Variants in NRXN3 observed in about 807,000 individuals in gnomAD.
NRXN3 encodes neurexin III.
NRXN3 carries 32 observed loss-of-function variants against 137.6 expected under a neutral mutation model. That is an observed-to-expected ratio of 0.23 (90% CI 0.18 to 0.31). The LOEUF (loss-of-function observed/expected upper bound fraction) is 0.31, where lower values mean the gene tolerates loss of function less well. Ranked by LOEUF, NRXN3 falls within the 10% of genes least tolerant of loss-of-function variation. The pLI is 1.00. For synonymous variants in NRXN3, 798 were observed against 784.5 expected, an observed-to-expected ratio of 1.02 and a Z score of -0.29; for missense variants, 1,574 against 2,062.5, an observed-to-expected ratio of 0.76 and a Z score of 4.59.
intron 19 of NRXN3, among the ~76,000 whole-genome samples, chr14:79,775,875 A>ATT: frequency 6.6e-6 from 1 of 152,202 alleles, no homozygotes; most frequent in Non-Finnish European, 1.5e-5. Flanking sequence ...TGTACTTGAT[A>ATT]GTTGGTAAGG....
chr14:78,667,157 A>G (rs1183365156), intron 6 of NRXN3, among the ~76,000 whole-genome samples: 2 of 152,068 alleles, frequency 1.3e-5, no homozygotes, highest in African/African-American at 4.8e-5. Context: ...TTAATATAAT[A>G]TAGGGTGTTT....
At chr14:78,361,480 G>A (rs2085108427) in intron 4 of NRXN3, among the ~76,000 whole-genome samples, 1 of 152,202 alleles carries the variant, frequency 6.6e-6, no homozygotes, top group Non-Finnish European at 1.5e-5. Flanking sequence ...AGATGCGGAT[G>A]AAATGGATGA....
At chr14:78,511,668 G>T (rs2096110970) in intron 4 of NRXN3, among the ~76,000 whole-genome samples, 1 of 152,206 alleles carries the variant, frequency 6.6e-6, no homozygotes, top group South Asian at 2.1e-4. Context: ...CTCAGTTGGA[G>T]TTGTGGTTAG....
intron 4 of NRXN3, among the ~76,000 whole-genome samples, chr14:78,400,063 T>C (rs932164446): frequency 3.9e-5 from 6 of 152,252 alleles, no homozygotes; most frequent in Non-Finnish European, 7.3e-5. Context: ...TCTTTTTCTT[T>C]CAGTATTTGC....
intron 10 of NRXN3, among the ~76,000 whole-genome samples, chr14:78,845,202 T>C (rs1229778947): frequency 6.6e-6 from 1 of 152,082 alleles, no homozygotes; most frequent in African/African-American, 2.4e-5. Flanking sequence ...AACTGTACTT[T>C]CTATATCTGC....
At chr14:79,449,122 C>T (rs1600465291) in intron 15 of NRXN3, among the ~76,000 whole-genome samples, 1 of 152,266 alleles carries the variant, frequency 6.6e-6, no homozygotes, top group East Asian at 1.9e-4. Context: ...AAGTATCTGT[C>T]GCAGGGAATT....
chr14:78,735,379 G>T (rs1016131167), intron 8 of NRXN3, among the ~76,000 whole-genome samples: 1 of 152,178 alleles, frequency 6.6e-6, no homozygotes, highest in African/African-American at 2.4e-5. Context: ...TGGGGTGGGA[G>T]GAAGCTGGAC....
intron 16 of NRXN3, among the ~76,000 whole-genome samples, chr14:79,568,092 G>C (rs1177336376): frequency 6.6e-6 from 1 of 152,138 alleles, no homozygotes; most frequent in Non-Finnish European, 1.5e-5. Flanking sequence ...AAAGTGATGA[G>C]TCAAAAATTC....
At chr14:79,197,290 G>C (rs1457056606) in intron 15 of NRXN3, among the ~76,000 whole-genome samples, 1 of 152,124 alleles carries the variant, frequency 6.6e-6, no homozygotes, top group Non-Finnish European at 1.5e-5. Flanking sequence ...TCATAGCCCT[G>C]CTGTAACCAG....
chr14:79,770,136 G>C (rs1368570420), intron 19 of NRXN3, among the ~76,000 whole-genome samples: 1 of 151,638 alleles, frequency 6.6e-6, no homozygotes, highest in East Asian at 1.9e-4. Flanking sequence ...AGTCCTGAGT[G>C]ACCTACAAAG....
At chr14:79,139,347 T>G (rs1159581260) in intron 15 of NRXN3, among the ~76,000 whole-genome samples, 2 of 152,194 alleles carry the variant, frequency 1.3e-5, no homozygotes, top group Non-Finnish European at 2.9e-5. Flanking sequence ...CAGAGACCTG[T>G]GTATCTAGGC....
intron 16 of NRXN3, among the ~76,000 whole-genome samples, chr14:79,485,544 C>T (rs2096647872): frequency 6.6e-6 from 1 of 152,188 alleles, no homozygotes; most frequent in Non-Finnish European, 1.5e-5. Context: ...GCTCTTACCA[C>T]TTCTCCTCAC....
At chr14:79,393,708 G>T (rs1229736820) in intron 15 of NRXN3, among the ~76,000 whole-genome samples, 1 of 152,108 alleles carries the variant, frequency 6.6e-6, no homozygotes, top group Non-Finnish European at 1.5e-5. Flanking sequence ...CCAGCTACTC[G>T]GGAGGCTGAG....
chr14:78,377,058 T>C (rs1396553828), intron 4 of NRXN3, among the ~76,000 whole-genome samples: 1 of 152,132 alleles, frequency 6.6e-6, no homozygotes, highest in Non-Finnish European at 1.5e-5. Context: ...AATAGTAGAC[T>C]TAAGCCCCAA....
At chr14:78,649,477 G>A (rs1192517949) in intron 5 of NRXN3, among the ~76,000 whole-genome samples, 1 of 146,458 alleles carries the variant, frequency 6.8e-6, no homozygotes, top group African/African-American at 2.5e-5. Flanking sequence ...GGAAGGGGAT[G>A]CACTTGTCCT....
chr14:78,936,464 T>C (rs1195138270), intron 10 of NRXN3, among the ~76,000 whole-genome samples: 1 of 152,174 alleles, frequency 6.6e-6, no homozygotes, highest in African/African-American at 2.4e-5. Context: ...TACATTTATA[T>C]AAATCTAAAA....
rs1476178567 is a variant in NRXN3, at chr14:79,645,796, T to A, written c.3445-17982T>A. Among the ~76,000 whole-genome samples, 2 of 135,062 alleles carry A rather than the reference T, an allele frequency of 1.5e-5. 1 individual carries two copies. Among genetic ancestry groups the A allele is most frequent in the Non-Finnish European group, 3.4e-5 (2 of 58,114 alleles). 88.6% of individuals were successfully genotyped at this position (135,062 alleles called of 152,430 possible). A position where few individuals can be genotyped will look rare whatever the true frequency, so the allele number is the denominator to read the frequency against. On this transcript the variant is annotated intron_variant, in intron 16 of 20. Transcript: ENST00000335750. ...GGGAAAAAATGTTGGCACCTGATAA[T>A]GGTGGACCTGGGATACCAGGCTGAA...
At chr14:78,815,245 C>T (rs1287801220) in intron 10 of NRXN3, among the ~76,000 whole-genome samples, 2 of 152,080 alleles carry the variant, frequency 1.3e-5, no homozygotes, top group African/African-American at 2.4e-5. Flanking sequence ...AATATATTGA[C>T]CTTAAGACAC....
At chr14:79,858,114 T>C (rs2099406592) in intron 20 of NRXN3, among the ~76,000 whole-genome samples, 1 of 152,000 alleles carries the variant, frequency 6.6e-6, no homozygotes, top group African/African-American at 2.4e-5. Flanking sequence ...AGAACCCTCT[T>C]ACTGTAGAGT....
Sources: allele counts gnomAD v4.1 joint callset (sites outside exome capture counted in the v4.1 genomes callset), GRCh38; gene constraint gnomAD v4.1.1; transcripts MANE v1.5; gene names NCBI Gene and HGNC (gene_info 2026-07-23, HGNC 2026-07-21).